The following CPNE4 variants were observed in gnomAD, a reference collection of about 807,000 sequenced individuals.
The protein encoded by CPNE4 is copine-4.
In CPNE4, 25 loss-of-function variants were observed where a neutral mutation model predicts 67.9. The ratio of observed to expected loss-of-function variants is 0.37; its 90% confidence interval spans 0.27 to 0.51. CPNE4 has a LOEUF of 0.51. Among genes scored for constraint, CPNE4 ranks in the 20% least tolerant of loss-of-function variants. The pLI is 0.93. For missense variants in CPNE4, 464 were observed against 690.8 expected, an observed-to-expected ratio of 0.67 and a Z score of 3.68; for synonymous variants, 242 against 244.9, an observed-to-expected ratio of 0.99 and a Z score of 0.11.
intron 1 of CPNE4, among the ~76,000 whole-genome samples, chr3:132,023,330 G>C (rs1002448541): frequency 2.0e-5 from 3 of 152,092 alleles, no homozygotes; most frequent in Non-Finnish European, 4.4e-5. Context: ...AAACTTTTAT[G>C]AGCTGTTATC....
At chr3:131,961,823 T>C (rs1312962132) in intron 1 of CPNE4, among the ~76,000 whole-genome samples, 1 of 152,154 alleles carries the variant, frequency 6.6e-6, no homozygotes, top group Non-Finnish European at 1.5e-5. Context: ...GAGTCACACA[T>C]ACCAAATATC....
intron 2 of CPNE4, among the ~76,000 whole-genome samples, chr3:131,792,254 C>A (rs191873463): frequency 3.8e-4 from 58 of 152,004 alleles, no homozygotes; most frequent in African/African-American, 1.3e-3. Context: ...ATAATAAATT[C>A]TTTAGTTCCA....
intron 2 of CPNE4, among the ~76,000 whole-genome samples, chr3:131,850,386 C>G (rs1381293304): frequency 6.6e-6 from 1 of 152,068 alleles, no homozygotes; most frequent in Non-Finnish European, 1.5e-5. Context: ...TTCAAATTTA[C>G]TAGCTGTGTG....
chr3:131,925,998 T>C (rs2070883226), intron 1 of CPNE4, among the ~76,000 whole-genome samples: 1 of 152,158 alleles, frequency 6.6e-6, no homozygotes, highest in African/African-American at 2.4e-5. Context: ...ATAAAGAGAC[T>C]AATAGAAACA....
intron 7 of CPNE4, among the ~76,000 whole-genome samples, chr3:131,647,569 T>C (rs1000686428): frequency 5.9e-5 from 9 of 152,218 alleles, no homozygotes; most frequent in African/African-American, 2.2e-4. Flanking sequence ...CATTGTCAGA[T>C]TCATATGAAG....
rs148381795 is a variant in CPNE4 at position 131,624,829 on chromosome 3, A to G, written c.682-37247T>C. Among the ~76,000 whole-genome samples the G allele has an allele frequency of 2.4e-3, 370 of 152,310 alleles. 1 individual carries two copies. The highest frequency in any genetic ancestry group is 8.2e-3 in the African/African-American group (342 of 41,562). On this transcript the variant is annotated intron_variant, in intron 7 of 15. Transcript: ENST00000429747. ...CACTCACATAGCACTTTACCAGGTG[A>G]CTATTATCTGATTGGGTGCTACAAA...
At chr3:131,578,316 C>T (rs960011437) in intron 9 of CPNE4, among the ~76,000 whole-genome samples, 1 of 152,068 alleles carries the variant, frequency 6.6e-6, no homozygotes, top group Non-Finnish European at 1.5e-5. Context: ...ATGAACCAAG[C>T]CCACATAAGA....
chr3:131,759,434 A>G (rs1362606431), intron 2 of CPNE4, among the ~76,000 whole-genome samples: 1 of 152,180 alleles, frequency 6.6e-6, no homozygotes, highest in Non-Finnish European at 1.5e-5. Flanking sequence ...AAGATTAGCA[A>G]GTTCTTCTCT....
chr3:131,547,475 A>T (rs1935926281), intron 14 of CPNE4, among the ~76,000 whole-genome samples: 1 of 124,902 alleles, frequency 8.0e-6, no homozygotes, highest in African/African-American at 4.3e-5. Context: ...AAAAAAAAAA[A>T]AAAAAAAAAA....
intron 5 of CPNE4, among the ~76,000 whole-genome samples, chr3:131,696,008 C>T (rs1405140311): frequency 3.9e-5 from 6 of 152,032 alleles, no homozygotes; most frequent in Admixed American, 3.9e-4. Context: ...TTTCCAGCAC[C>T]TCATGCATAA....
intron 1 of CPNE4, among the ~76,000 whole-genome samples, chr3:131,989,384 C>T (rs1207070973): frequency 6.6e-6 from 1 of 152,160 alleles, no homozygotes; most frequent in Non-Finnish European, 1.5e-5. Flanking sequence ...TTTGGAATAT[C>T]AAACATTAAG....
At chr3:131,901,062 T>G (rs959985702) in intron 2 of CPNE4, among the ~76,000 whole-genome samples, 2 of 152,046 alleles carry the variant, frequency 1.3e-5, no homozygotes, top group Non-Finnish European at 2.9e-5. Context: ...ACTCCTCCAA[T>G]CATAGGGTCA....
intron 2 of CPNE4, among the ~76,000 whole-genome samples, chr3:131,843,375 T>C (rs999180174): frequency 6.6e-6 from 1 of 152,198 alleles, no homozygotes; most frequent in African/African-American, 2.4e-5. Context: ...ACACGTATTA[T>C]AGGAGCTGTC....
At chr3:131,837,963 T>C (rs2085622985) in intron 2 of CPNE4, among the ~76,000 whole-genome samples, 1 of 151,970 alleles carries the variant, frequency 6.6e-6, no homozygotes, top group African/African-American at 2.4e-5. Flanking sequence ...TTAGTAAGTT[T>C]ACAGAGTTGC....
chr3:131,854,797 C>T (rs1021792473), intron 2 of CPNE4, among the ~76,000 whole-genome samples: 30 of 150,680 alleles, frequency 2.0e-4, no homozygotes, highest in African/African-American at 5.6e-4. Context: ...TACTCCCCAC[C>T]CTCCTCCTCC....
intron 13 of CPNE4, among the ~76,000 whole-genome samples, chr3:131,551,830 T>G (rs1582778467): frequency 6.6e-6 from 1 of 152,220 alleles, no homozygotes; most frequent in South Asian, 2.1e-4. Context: ...CAAAATTTAT[T>G]ATAATAATTA....
rs553727096 is a variant in CPNE4, at chr3:131,707,763, G to T, written c.361-7783C>A. Among the ~76,000 whole-genome samples, 30 of 152,206 alleles carry T rather than the reference G, an allele frequency of 2.0e-4. No homozygotes were observed. The South Asian group carries it at 6.0e-3, about 31-fold the overall frequency. On this transcript the variant is annotated intron_variant, in intron 3 of 15. Transcript: ENST00000429747. ...TATCCTCAATGAACTTACCATTGAGGAGAGTTCCCTCTTACTCAAACCACT... is the reference window on the plus strand; with the variant it reads ...TATCCTCAATGAACTTACCATTGAGTAGAGTTCCCTCTTACTCAAACCACT...
chr3:131,714,510 C>T (rs1481763260), intron 3 of CPNE4, among the ~76,000 whole-genome samples: 19 of 152,136 alleles, frequency 1.2e-4, no homozygotes, highest in Admixed American at 1.1e-3. Flanking sequence ...TTTTCTATGT[C>T]CTCTTCAATT....
chr3:131,540,172 T>C (rs908398613), intron 15 of CPNE4, among the ~76,000 whole-genome samples: 12 of 152,300 alleles, frequency 7.9e-5, no homozygotes, highest in African/African-American at 2.9e-4. Flanking sequence ...GCTGTTGCTG[T>C]TACTTAGAAA....
Sources: gnomAD v4.1 joint callset for allele counts (sites outside exome capture counted in the v4.1 genomes callset) on GRCh38, gnomAD v4.1.1 for gene constraint, MANE v1.5 for transcripts, NCBI Gene and HGNC (gene_info 2026-07-23, HGNC 2026-07-21) for gene names.